The following SFXN5 variants were observed in gnomAD, a reference collection of about 807,000 sequenced individuals.
The protein encoded by SFXN5 is sideroflexin 5.
In SFXN5, 43 loss-of-function variants were observed where a neutral mutation model predicts 50.2. That is an observed-to-expected ratio of 0.86 (90% CI 0.67 to 1.11). SFXN5 has a LOEUF of 1.11. Among genes scored for constraint, SFXN5 ranks in the 50% least tolerant of loss-of-function variants. The pLI is 0.00. For missense variants in SFXN5, 463 were observed against 454.1 expected, an observed-to-expected ratio of 1.02 and a Z score of -0.18; for synonymous variants, 203 against 185.8, an observed-to-expected ratio of 1.09 and a Z score of -0.75.
chr2:72,994,385 T>G (rs1672966556), intron 9 of SFXN5, among the ~76,000 whole-genome samples: 2 of 152,162 alleles, frequency 1.3e-5, no homozygotes, highest in African/African-American at 4.8e-5. Flanking sequence ...GAACCCCTTC[T>G]TCTATGCCAG....
chr2:73,066,735 C>T (rs1280259468), intron 1 of SFXN5, among the ~76,000 whole-genome samples: 6 of 151,076 alleles, frequency 4.0e-5, no homozygotes, highest in Admixed American at 3.9e-4. Context: ...CATGGTGGCT[C>T]ATGCCTGTAA....
intron 11 of SFXN5, among the ~76,000 whole-genome samples, chr2:72,971,341 A>G (rs1180260679): frequency 6.6e-6 from 1 of 151,910 alleles, no homozygotes; most frequent in African/African-American, 2.4e-5. Flanking sequence ...AGGGGCTGCG[A>G]TAAGAGACAG....
At chr2:72,955,428 C>G (rs899827901) in intron 13 of SFXN5, among the ~76,000 whole-genome samples, 15 of 152,184 alleles carry the variant, frequency 9.9e-5, no homozygotes, top group Non-Finnish European at 7.3e-5. Flanking sequence ...CGTTCCCCAG[C>G]CCCCGAGCTC....
At chr2:72,984,585 G>A (rs1425205902) in intron 10 of SFXN5, among the ~76,000 whole-genome samples, 1 of 152,238 alleles carries the variant, frequency 6.6e-6, no homozygotes, top group Non-Finnish European at 1.5e-5. Context: ...TCATTCTTCT[G>A]TAAGAGGGTG....
intron 2 of SFXN5, chr2:73,041,610 A>G: frequency 2.4e-6 from 1 of 419,048 alleles, no homozygotes; most frequent in Non-Finnish European, 4.8e-6. Flanking sequence ...AAATCACCTG[A>G]ACCCAGGAGG....
chr2:72,952,874 A>G (rs1672687324), intron 13 of SFXN5, among the ~76,000 whole-genome samples: 1 of 152,156 alleles, frequency 6.6e-6, no homozygotes, highest in South Asian at 2.1e-4. Flanking sequence ...CACTAAGCTC[A>G]CAGGGCTGAG....
intron 12 of SFXN5, among the ~76,000 whole-genome samples, chr2:72,963,901 C>G (rs1484056723): frequency 6.6e-6 from 1 of 152,156 alleles, no homozygotes; most frequent in Non-Finnish European, 1.5e-5. Context: ...TTCAGGGGAG[C>G]TGGAGGGTGG....
chr2:73,067,751 G>C (rs1683279215), intron 1 of SFXN5, among the ~76,000 whole-genome samples: 1 of 152,144 alleles, frequency 6.6e-6, no homozygotes, highest in East Asian at 1.9e-4. Flanking sequence ...GCTGGATGAT[G>C]GGTGCATAGG....
intron 1 of SFXN5, among the ~76,000 whole-genome samples, chr2:73,070,166 C>G (rs1030207113): frequency 6.6e-6 from 1 of 152,264 alleles, no homozygotes; most frequent in East Asian, 1.9e-4. Context: ...GGAGCGGGGA[C>G]AGGCAATGTA....
intron 10 of SFXN5, among the ~76,000 whole-genome samples, chr2:72,982,042 A>C (rs1169994728): frequency 6.6e-6 from 1 of 151,864 alleles, no homozygotes; most frequent in Middle Eastern, 3.4e-3. Context: ...CCAAAGAACA[A>C]GTTCCCTGAT....
At chr2:73,048,121 T>C (rs1680755921) in intron 2 of SFXN5, among the ~76,000 whole-genome samples, 1 of 152,198 alleles carries the variant, frequency 6.6e-6, no homozygotes, top group Non-Finnish European at 1.5e-5. Context: ...ATGTATGACA[T>C]CTATGTATCA....
intron 3 of SFXN5, among the ~76,000 whole-genome samples, chr2:73,037,948 A>AC (rs1416359324): frequency 6.6e-6 from 1 of 152,258 alleles, no homozygotes; most frequent in African/African-American, 2.4e-5. Flanking sequence ...TAGGCCCCAG[A>AC]AAGGAAAATT....
At chr2:72,959,632 C>G (rs1673485302) in intron 13 of SFXN5, among the ~76,000 whole-genome samples, 5 of 152,120 alleles carry the variant, frequency 3.3e-5, no homozygotes, top group Admixed American at 3.3e-4. Context: ...CCTCCCACCC[C>G]ACTCCTCTTC....
intron 3 of SFXN5, among the ~76,000 whole-genome samples, chr2:73,036,910 C>T (rs1253808244): frequency 6.6e-6 from 1 of 152,208 alleles, no homozygotes; most frequent in East Asian, 1.9e-4. Context: ...GCCTGCCCTC[C>T]CGGCTGACGG....
chr2:73,026,669 C>T (rs187188398), intron 3 of SFXN5, among the ~76,000 whole-genome samples: 443 of 152,146 alleles, frequency 2.9e-3, no homozygotes, highest in African/African-American at 0.01. Context: ...CAATAATAAA[C>T]GTTACTCATT....
intron 11 of SFXN5, among the ~76,000 whole-genome samples, chr2:72,969,406 G>GT (rs1282531437): frequency 1.3e-5 from 2 of 151,860 alleles, no homozygotes; most frequent in Non-Finnish European, 2.9e-5. Context: ...TTGTTTGTTT[G>GT]TTTTTTAGAT....
chr2:73,034,091 T>C (rs1199130179), intron 3 of SFXN5, among the ~76,000 whole-genome samples: 1 of 152,196 alleles, frequency 6.6e-6, no homozygotes, highest in African/African-American at 2.4e-5. Flanking sequence ...GCCCAGGTAG[T>C]ATAGGCAGAT....
chr2:73,046,854 T>C (rs991968559), intron 2 of SFXN5, among the ~76,000 whole-genome samples: 1 of 152,008 alleles, frequency 6.6e-6, no homozygotes, highest in African/African-American at 2.4e-5. Context: ...CATTTTTTTC[T>C]TTTTGGTTAT....
chr2:72,989,881 T>A (rs900324145), intron 9 of SFXN5, among the ~76,000 whole-genome samples: 3 of 152,118 alleles, frequency 2.0e-5, no homozygotes, highest in Non-Finnish European at 4.4e-5. Context: ...GGAGGAGCCG[T>A]GGCAGGACTC....
Sources: allele counts gnomAD v4.1 joint callset (sites outside exome capture counted in the v4.1 genomes callset), GRCh38; gene constraint gnomAD v4.1.1; transcripts MANE v1.5; gene names NCBI Gene and HGNC (gene_info 2026-07-23, HGNC 2026-07-21).